Variants in TENM2 observed in about 807,000 individuals in gnomAD.
TENM2 encodes the protein teneurin-2.
Under a neutral mutation model 245.2 loss-of-function variants are expected in TENM2, and 52 were observed. The observed-to-expected ratio is 0.21, with a 90% CI of 0.17 to 0.27. The LOEUF (loss-of-function observed/expected upper bound fraction) is 0.27. Ranked by LOEUF, TENM2 falls within the 10% of genes least tolerant of loss-of-function variation. TENM2 has a pLI of 1.00. For synonymous variants in TENM2, 1,363 were observed against 1,438.9 expected, an observed-to-expected ratio of 0.95 and a Z score of 1.19; for missense variants, 3,046 against 3,666.8, an observed-to-expected ratio of 0.83 and a Z score of 4.37.
chr5:167,941,390 C>T (rs1208941610), intron 3 of TENM2, among the ~76,000 whole-genome samples: 1 of 152,250 alleles, frequency 6.6e-6, no homozygotes, highest in South Asian at 2.1e-4. Flanking sequence ...AGTTTTATTT[C>T]AGTGTATTTA....
chr5:167,343,908 C>T (rs1758281313), intron 1 of TENM2, among the ~76,000 whole-genome samples: 2 of 151,792 alleles, frequency 1.3e-5, no homozygotes, highest in African/African-American at 4.8e-5. Context: ...TATTATATTA[C>T]AAAAATTACC....
chr5:168,038,984 T>A (rs1018412243), intron 5 of TENM2, among the ~76,000 whole-genome samples: 9 of 151,844 alleles, frequency 5.9e-5, no homozygotes, highest in Non-Finnish European at 1.2e-4. Flanking sequence ...GGGAAATAAA[T>A]CCCAACCCTC....
chr5:167,239,828 A>G, the TENM2 span, among the ~76,000 whole-genome samples: 3 of 152,182 alleles, frequency 2.0e-5, no homozygotes, highest in Admixed American at 6.5e-5. Context: ...GCTGGAGTGC[A>G]ATGGCGTGAT....
chr5:168,134,111 T>TGC (rs1754831314), intron 12 of TENM2, among the ~76,000 whole-genome samples: 1 of 151,628 alleles, frequency 6.6e-6, no homozygotes, highest in Non-Finnish European at 1.5e-5. Context: ...GCTGAGATCA[T>TGC]GCCACTGCAC....
At chr5:168,256,579 C>T (rs1767686865) in intron 27 of TENM2, among the ~76,000 whole-genome samples, 1 of 152,114 alleles carries the variant, frequency 6.6e-6, no homozygotes, top group African/African-American at 2.4e-5. Flanking sequence ...CTGCGTGCAC[C>T]ACGCCCGGCT....
intron 2 of TENM2, among the ~76,000 whole-genome samples, chr5:167,814,550 T>G (rs923709607): frequency 2.0e-5 from 3 of 150,792 alleles, no homozygotes; most frequent in African/African-American, 7.3e-5. Flanking sequence ...CAAATGCATA[T>G]ATGGGTGCCA....
At chr5:167,922,272 C>T (rs980532488) in intron 3 of TENM2, among the ~76,000 whole-genome samples, 1 of 152,068 alleles carries the variant, frequency 6.6e-6, no homozygotes, top group Non-Finnish European at 1.5e-5. Flanking sequence ...TGACTGTGTC[C>T]CTGGCTCTTG....
intron 2 of TENM2, among the ~76,000 whole-genome samples, chr5:167,646,741 T>C (rs1012423787): frequency 6.6e-6 from 1 of 151,998 alleles, no homozygotes; most frequent in African/African-American, 2.4e-5. Context: ...ATAGCACAAG[T>C]ACAGTTTTAA....
chr5:167,473,759 C>T (rs1672860471), intron 2 of TENM2, among the ~76,000 whole-genome samples: 1 of 152,190 alleles, frequency 6.6e-6, no homozygotes, highest in Admixed American at 6.5e-5. Flanking sequence ...ATATTGGACA[C>T]ATCTGTTTCC....
chr5:167,286,546 T>C (rs1381952867), intron 1 of TENM2, among the ~76,000 whole-genome samples: 1 of 152,210 alleles, frequency 6.6e-6, no homozygotes, highest in Non-Finnish European at 1.5e-5. Flanking sequence ...CACCTCTCTG[T>C]TGTTTCCCAG....
chr5:167,368,720 C>G (rs1760213989), intron 1 of TENM2, among the ~76,000 whole-genome samples: 1 of 152,008 alleles, frequency 6.6e-6, no homozygotes, highest in Non-Finnish European at 1.5e-5. Flanking sequence ...TGTATTTTGA[C>G]AAGGTGAGGA....
intron 2 of TENM2, among the ~76,000 whole-genome samples, chr5:167,867,666 A>G (rs1352119536): frequency 1.3e-5 from 2 of 152,214 alleles, no homozygotes; most frequent in Admixed American, 6.5e-5. Context: ...GTGGAATAGA[A>G]CAAACCCAGT....
intron 2 of TENM2, among the ~76,000 whole-genome samples, chr5:167,383,400 C>G (rs192235591): frequency 2.0e-5 from 3 of 152,116 alleles, no homozygotes; most frequent in Admixed American, 2.0e-4. Context: ...GCTGTCTCAC[C>G]CATGTAAGTC....
the TENM2 span, among the ~76,000 whole-genome samples, chr5:167,198,322 T>C: frequency 2.6e-5 from 4 of 152,120 alleles, no homozygotes; most frequent in South Asian, 2.1e-4. Flanking sequence ...CTAATTTGTT[T>C]TCAAAACTGC....
At chr5:167,080,623 A>C in the TENM2 span, among the ~76,000 whole-genome samples, 3 of 152,140 alleles carry the variant, frequency 2.0e-5, no homozygotes, top group African/African-American at 7.2e-5. Flanking sequence ...AAAATAAATA[A>C]ACAAATGAAT....
At chr5:167,081,386 G>A in the TENM2 span, among the ~76,000 whole-genome samples, 13 of 152,196 alleles carry the variant, frequency 8.5e-5, no homozygotes, top group South Asian at 2.5e-3. Flanking sequence ...TTCTTTGTGT[G>A]CCTTTTAGGA....
At chr5:167,999,764 C>T (rs1784298795) in intron 5 of TENM2, among the ~76,000 whole-genome samples, 1 of 152,176 alleles carries the variant, frequency 6.6e-6, no homozygotes, top group Admixed American at 6.5e-5. Flanking sequence ...ATAGTCGGCC[C>T]ATGCAGGGCT....
chr5:167,741,592 C>A (rs1036953058), intron 2 of TENM2, among the ~76,000 whole-genome samples: 2 of 152,132 alleles, frequency 1.3e-5, no homozygotes, highest in Non-Finnish European at 2.9e-5. Context: ...GAATGGAGGC[C>A]CCTAATCACA....
intron 2 of TENM2, among the ~76,000 whole-genome samples, chr5:167,390,563 G>C (rs1294086795): frequency 1.3e-5 from 2 of 152,056 alleles, no homozygotes; most frequent in African/African-American, 4.8e-5. Flanking sequence ...TAGTTCTGCA[G>C]GCAAGATAAA....
Sources: allele counts gnomAD v4.1 joint callset (sites outside exome capture counted in the v4.1 genomes callset), GRCh38; gene constraint gnomAD v4.1.1; transcripts MANE v1.5; gene names NCBI Gene and HGNC (gene_info 2026-07-23, HGNC 2026-07-21).